The following RALY variants were observed in gnomAD, a reference collection of about 807,000 sequenced individuals.
RALY encodes RALY heterogeneous nuclear ribonucleoprotein.
RALY carries 15 observed loss-of-function variants against 30.7 expected under a neutral mutation model. The ratio of observed to expected loss-of-function variants is 0.49; its 90% CI spans 0.33 to 0.75. RALY has a LOEUF of 0.75. Among genes scored for constraint, RALY ranks in the 30% least tolerant of loss-of-function variants. The probability of loss-of-function intolerance (pLI) is 0.02; values close to 1 mark genes in which losing one functional copy is unlikely to be tolerated. For missense variants in RALY, 339 were observed against 414.3 expected (o/e 0.82, Z 1.58); for synonymous variants, 177 against 170.8 (o/e 1.04, Z -0.28).
At chr20:34,012,552 C>CT (rs2031448566) in intron 1 of RALY, among the ~76,000 whole-genome samples, 1 of 152,164 alleles carries the variant, frequency 6.6e-6, no homozygotes, top group African/African-American at 2.4e-5. Context: ...TTTTTCCTCA[C>CT]TGTTGCCCTT....
chr20:34,023,808 G>C (rs112785619), intron 1 of RALY, among the ~76,000 whole-genome samples: 6 of 151,966 alleles, frequency 3.9e-5, no homozygotes, highest in South Asian at 2.1e-4. Context: ...ACCTCACTCA[G>C]ACTTAATACA....
intron 3 of RALY, 97 bp from the exon 4 acceptor site, chr20:34,073,466 G>T (rs538515432): frequency 1.8e-6 from 2 of 1,129,796 alleles, no homozygotes; most frequent in East Asian, 2.4e-5. Context: ...TGTGTATACC[G>T]TGTAAGCACA....
chr20:34,074,961 A>G (rs1357974641), intron 5 of RALY, among the ~76,000 whole-genome samples: 1 of 152,178 alleles, frequency 6.6e-6, no homozygotes, highest in Non-Finnish European at 1.5e-5. Flanking sequence ...AAATTGACCC[A>G]AAGTTTACCC....
intron 2 of RALY, among the ~76,000 whole-genome samples, chr20:34,037,768 A>C (rs2032553664): frequency 6.6e-6 from 1 of 152,210 alleles, no homozygotes; most frequent in Non-Finnish European, 1.5e-5. Context: ...GAGTCTGAGA[A>C]GGTCTAGGAG....
chr20:34,028,725 A>AC (rs2032145506), intron 1 of RALY, among the ~76,000 whole-genome samples: 1 of 150,980 alleles, frequency 6.6e-6, no homozygotes, highest in African/African-American at 2.4e-5. Context: ...AAAAAAAAAA[A>AC]AAAAAAAAAC....
intron 9 of RALY, among the ~76,000 whole-genome samples, chr20:34,079,593 G>C (rs1002166456): frequency 6.6e-6 from 1 of 152,140 alleles, no homozygotes; most frequent in Non-Finnish European, 1.5e-5. Flanking sequence ...GAACTTCTTG[G>C]TTTGTTTTGC....
intron 2 of RALY, among the ~76,000 whole-genome samples, chr20:34,051,823 T>G (rs993291167): frequency 1.3e-5 from 2 of 152,186 alleles, no homozygotes; most frequent in African/African-American, 4.8e-5. Flanking sequence ...GCCAGGATGG[T>G]CTCCATCTCC....
chr20:34,025,994 G>A (rs1304527919), intron 1 of RALY, among the ~76,000 whole-genome samples: 1 of 150,180 alleles, frequency 6.7e-6, no homozygotes, highest in Non-Finnish European at 1.5e-5. Context: ...AAGGTCCAGA[G>A]GATGTCAGTA....
At chr20:34,022,728 C>T (rs1208254848) in intron 1 of RALY, among the ~76,000 whole-genome samples, 3 of 152,150 alleles carry the variant, frequency 2.0e-5, no homozygotes. Context: ...GAGTTTTAAG[C>T]TCATTTCTGC....
intron 1 of RALY, among the ~76,000 whole-genome samples, chr20:34,007,820 C>CAA (rs10649045): frequency 0.51 from 51,532 of 101,148 alleles, 13,574 homozygotes; most frequent in South Asian, 0.73. Flanking sequence ...AACTCCGTCT[C>CAA]AAAAAAAAAA....
At chr20:34,007,032 G>A (rs1177766987) in intron 1 of RALY, among the ~76,000 whole-genome samples, 5 of 152,068 alleles carry the variant, frequency 3.3e-5, no homozygotes, top group Non-Finnish European at 7.4e-5. Flanking sequence ...TCTGTAAGTT[G>A]TTGGTTAAGG....
intron 1 of RALY, among the ~76,000 whole-genome samples, chr20:34,002,309 C>T (rs781491830): frequency 3.3e-5 from 5 of 152,066 alleles, no homozygotes; most frequent in African/African-American, 9.7e-5. Context: ...ACTTAGTTGC[C>T]GTGGCATGAT....
At chr20:34,046,948 T>A (rs1352403188) in intron 2 of RALY, among the ~76,000 whole-genome samples, 1 of 151,374 alleles carries the variant, frequency 6.6e-6, no homozygotes, top group African/African-American at 2.4e-5. Flanking sequence ...GCCTCCTGAG[T>A]AGCTGGGATT....
chr20:33,997,405 C>T (rs939414298), intron 1 of RALY, among the ~76,000 whole-genome samples: 2 of 152,156 alleles, frequency 1.3e-5, no homozygotes. Context: ...CATGAGCCAC[C>T]ACGCCAGGCT....
intron 1 of RALY, among the ~76,000 whole-genome samples, chr20:34,016,009 TTG>T (rs2031594611): frequency 6.6e-6 from 1 of 152,138 alleles, no homozygotes. Flanking sequence ...ATACCCAGAA[TTG>T]TGTGTGCTAC....
At chr20:34,076,103 C>G (rs1261381641) in intron 6 of RALY, 63 bp downstream of exon 6, 3 of 1,543,182 alleles carry the variant, frequency 1.9e-6, no homozygotes, top group Middle Eastern at 1.7e-4. Flanking sequence ...ATAATAGAAT[C>G]ACATTTTTTA....
At position 34,082,553 on chromosome 20, in the gene RALY, A is replaced by G. The variant is rs2034046369; in HGVS notation, c.*2648A>G. The G allele has an allele frequency of 6.6e-6, 1 of 152,210 alleles. No individual in the cohort carries two copies. Among genetic ancestry groups the G allele is most frequent in the Non-Finnish European group, 1.5e-5 (1 of 68,050 alleles). The allele number at this position is 152,210 out of a possible 1,614,324, so 9.4% of individuals were successfully genotyped here. Reference sequence around the variant, plus strand: ...TGAGAAAAGCAGGGAAGATACCTTCAAGGGTAGCAGGCATCAGCTCTACTC... The same window carrying G: ...TGAGAAAAGCAGGGAAGATACCTTCGAGGGTAGCAGGCATCAGCTCTACTC... On this transcript the variant is annotated 3_prime_UTR_variant, in exon 10 of 10. Coordinates refer to ENST00000246194, the MANE Select transcript of RALY (RefSeq NM_016732.3).
rs1384741325 is a variant in RALY, at chr20:34,080,268, C to G, written c.*363C>G. 6.6e-6 allele frequency: 1 copy of G among 152,308 alleles called. No individual in the cohort carries two copies. The highest frequency in any genetic ancestry group is 6.5e-5 in the Admixed American group (1 of 15,278). 9.4% of individuals were successfully genotyped at this position (152,308 alleles called of 1,614,324 possible). On this transcript the variant is annotated 3_prime_UTR_variant, in exon 10 of 10. Coordinates refer to ENST00000246194, the MANE Select transcript of RALY (RefSeq NM_016732.3). ...TAAAGAGATTGGATCCCAACCTGTT[C>G]TGAGATGGGATGGTTTGTGTTTTCT...
At chr20:34,019,453 C>T (rs1011052398) in intron 1 of RALY, among the ~76,000 whole-genome samples, 4 of 152,146 alleles carry the variant, frequency 2.6e-5, no homozygotes, top group Admixed American at 1.3e-4. Flanking sequence ...CCTGGCCAGA[C>T]CCGAAAACAT....
Sources: allele counts gnomAD v4.1 joint callset (sites outside exome capture counted in the v4.1 genomes callset), GRCh38; gene constraint gnomAD v4.1.1; transcripts MANE v1.5; gene names NCBI Gene and HGNC (gene_info 2026-07-23, HGNC 2026-07-21).